POLR2E: variants seen among roughly 807,000 people sequenced by gnomAD.
POLR2E encodes the protein RNA polymerase II, I and III subunit E, also known as DNA-directed RNA polymerases I, II, and III subunit RPABC1.
POLR2E carries 35 observed loss-of-function variants against 29.8 expected under a neutral mutation model. The observed-to-expected ratio is 1.17, with a 90% CI of 0.90 to 1.55. The LOEUF is 1.55. POLR2E is among the 40% of genes most tolerant of loss of function. The pLI is 0.00. For synonymous variants in POLR2E, 174 were observed against 112.6 expected (o/e 1.55, Z -3.45); for missense variants, 287 against 288.6 (o/e 0.99, Z 0.04).
At chr19:1,090,192 C>A in intron 4 of POLR2E, 47 bp from the exon 5 acceptor site, 1 of 1,554,980 alleles carries the variant, frequency 6.4e-7, no homozygotes, top group Non-Finnish European at 8.9e-7. Context: ...CTGGTGAGAC[C>A]CCACGTGGCT....
At position 1,095,362 on chromosome 19, in the gene POLR2E, A is replaced by T. The variant is rs1463636839; in HGVS notation, c.-47T>A. 2 of 1,608,362 alleles carry T rather than the reference A, an allele frequency of 1.2e-6. No homozygotes were observed. The highest frequency in any genetic ancestry group is 1.1e-5 in the South Asian group (1 of 90,858). The stretch of plus-strand genomic sequence containing the variant: ...CGCTCGCACCCCTTCTCCGCGCGAG[A>T]ACCCGCGCGGACTGCGCCTGCGCCG... On this transcript the variant is annotated 5_prime_UTR_variant, in exon 1 of 8. Transcript: ENST00000615234.
Position 1,089,766 on chromosome 19 carries a change from G to A in POLR2E, c.567+118C>T, listed in dbSNP as rs371903333. On this transcript the variant is annotated intron_variant, in intron 6 of 7. Transcript: ENST00000615234. ...AGGGGGATATTGGGGGTGTGGTCTC[G>A]AGGTCCCCTCCAGGCCCTGGATCAA... is the stretch of plus-strand genomic sequence containing the variant. 2.3e-5 allele frequency: 20 copies of A among 878,234 alleles called. No individual in the cohort carries two copies. In the East Asian group the frequency reaches 3.4e-4, roughly 15 times the overall value. 54.4% of individuals were successfully genotyped at this position (878,234 alleles called of 1,614,324 possible). A position where few individuals can be genotyped will look rare whatever the true frequency, so the allele number is the denominator to read the frequency against.
chr19:1,095,013 G>A lies in POLR2E; in HGVS notation c.57+246C>T, dbSNP rs184325223. 1.1e-3 allele frequency: 491 copies of A among 427,532 alleles called. 2 individuals carry two copies. Among genetic ancestry groups the A allele is most frequent in the African/African-American group, 9.4e-3 (438 of 46,436 alleles). 26.5% of individuals were successfully genotyped at this position (427,532 alleles called of 1,614,324 possible). On this transcript the variant is annotated intron_variant, in intron 1 of 7. Transcript: ENST00000615234. ...TCTCGCCGCCACGCGCGCCGCACCA[G>A]CCCAAGCCGCCCACCCACCCCTAAG...
At chr19:1,089,685 G>T in intron 6 of POLR2E, 134 bp from the exon 7 acceptor site, 1 of 833,432 alleles carries the variant, frequency 1.2e-6, no homozygotes, top group Non-Finnish European at 2.0e-6. Context: ...TGTGGGACCC[G>T]CTCCCTGGGA....
intron 6 of POLR2E, 156 bp downstream of exon 6, chr19:1,089,728 C>A: frequency 1.3e-6 from 1 of 790,932 alleles, no homozygotes. Context: ...GGCCCAGTGG[C>A]CCTGGCTTTA....
At chr19:1,093,855 C>G in intron 2 of POLR2E, 49 bp downstream of exon 2, 1 of 1,513,162 alleles carries the variant, frequency 6.6e-7, no homozygotes, top group Non-Finnish European at 8.9e-7. Context: ...GGCTCCTCGG[C>G]AGGTGCTCTG....
chr19:1,093,371 G>A (rs567635841), intron 2 of POLR2E, among the ~76,000 whole-genome samples: 5 of 152,290 alleles, frequency 3.3e-5, no homozygotes, highest in South Asian at 4.1e-4. Flanking sequence ...GGAGACTTCC[G>A]CAAAGCAGGT....
intron 2 of POLR2E, 57 bp from the exon 3 acceptor site, chr19:1,091,964 ACCCAGAG>A (rs2043842884): frequency 3.2e-6 from 4 of 1,249,452 alleles, no homozygotes; most frequent in Non-Finnish European, 4.7e-6. Flanking sequence ...GCCCTCGCCC[ACCCAGAG>A]CCCAGAGCAC....
At chr19:1,095,037 A>T in intron 1 of POLR2E, 1 of 533,724 alleles carries the variant, frequency 1.9e-6, no homozygotes, top group Non-Finnish European at 3.3e-6. Context: ...CCCACCCCTA[A>T]GCACCGCACC....
chr19:1,093,111 A>G (rs1035507650), intron 2 of POLR2E, among the ~76,000 whole-genome samples: 5 of 148,292 alleles, frequency 3.4e-5, no homozygotes, highest in African/African-American at 1.0e-4. Context: ...GCTTGAACTC[A>G]GGAGGTGGAG....
Position 1,086,818 on chromosome 19 carries a change from A to G in POLR2E, c.*1917T>C, listed in dbSNP as rs2043684337. The G allele has an allele frequency of 6.6e-6, 1 of 152,136 alleles. No homozygotes were observed. Among genetic ancestry groups the G allele is most frequent in the African/African-American group, 2.4e-5 (1 of 41,406 alleles). The allele number at this position is 152,136 out of a possible 1,614,324, so 9.4% of individuals were successfully genotyped here. A position where few individuals can be genotyped will look rare whatever the true frequency, so the allele number is the denominator to read the frequency against. ...GGTGGGAGCCCGGGTGGTCTTCACC[A>G]CAGGCTGTGCAGACGGTCAGGCATC... On this transcript the variant is annotated 3_prime_UTR_variant, in exon 8 of 8. Coordinates refer to ENST00000615234, the MANE Select transcript of POLR2E (RefSeq NM_002695.5).
In POLR2E at chr19:1,088,344, C is replaced by T. The variant is rs557673511; in HGVS notation, c.*391G>A. ...CGGGGGCCGCCACGCATCAGGGCCC[C>T]CGAGGGAGGGAAGACGAGGGGTGGA... On this transcript the variant is annotated 3_prime_UTR_variant, in exon 8 of 8. Transcript: ENST00000615234. 1 of 152,426 alleles carries T rather than the reference C, an allele frequency of 6.6e-6. No individual in the cohort carries two copies. The highest frequency in any genetic ancestry group is 6.5e-5 in the Admixed American group (1 of 15,308). 9.4% of individuals were successfully genotyped at this position (152,426 alleles called of 1,614,324 possible). A position where few individuals can be genotyped will look rare whatever the true frequency, so the allele number is the denominator to read the frequency against.
chr19:1,092,207 T>C, intron 2 of POLR2E: 1 of 335,428 alleles, frequency 3.0e-6, no homozygotes, highest in Non-Finnish European at 5.7e-6. Flanking sequence ...TGGGCAGTTC[T>C]GGGGAGGCGG....
Position 1,091,022 on chromosome 19 carries a change from G to A in POLR2E, c.349-34C>T, listed in dbSNP as rs1470598227. On this transcript the variant is annotated intron_variant, in intron 3 of 7. Coordinates refer to ENST00000615234, the MANE Select transcript of POLR2E (RefSeq NM_002695.5). Reference sequence around the variant, plus strand: ...GAGCGGCTCTAAGGCACGGCCCGGAGGGGCCCAGACAACCCCAACCCCATT... The same window carrying A: ...GAGCGGCTCTAAGGCACGGCCCGGAAGGGCCCAGACAACCCCAACCCCATT... The A allele has an allele frequency of 5.0e-6, 8 of 1,598,918 alleles. No individual in the cohort carries two copies. The African/African-American group carries it at 9.4e-5, about 19-fold the overall frequency.
chr19:1,091,957 C>T (rs780199593), intron 2 of POLR2E, 50 bp from the exon 3 acceptor site: 18 of 1,325,716 alleles, frequency 1.4e-5, no homozygotes, highest in Middle Eastern at 1.8e-4. Flanking sequence ...CCTCGTGGCC[C>T]TCGCCCACCC....
intron 6 of POLR2E, 92 bp downstream of exon 6, chr19:1,089,792 G>A (rs999719331): frequency 9.3e-7 from 1 of 1,072,450 alleles, no homozygotes; most frequent in Admixed American, 2.0e-5. Flanking sequence ...CCTGGATCAA[G>A]GGGGAGGGGC....
intron 3 of POLR2E, chr19:1,091,571 C>G (rs1429111017): frequency 2.5e-5 from 14 of 569,310 alleles, no homozygotes; most frequent in Admixed American, 6.0e-5. Context: ...CCCTGACGCC[C>G]CTCCTGAGAG....
Position 1,095,337 on chromosome 19 carries a change from C to CGCT in POLR2E, c.-25_-23dup, listed in dbSNP as rs748452657. The CGCT allele has an allele frequency of 1.7e-5, 28 of 1,612,152 alleles. No individual in the cohort carries two copies. The highest frequency in any genetic ancestry group is 1.2e-4 in the African/African-American group (9 of 74,830). ...CCATGGCAGCCTCCGCCGCCGCCGC[C>CGCT]GCTCGCACCCCTTCTCCGCGCGAGA... On this transcript the variant is annotated 5_prime_UTR_variant, in exon 1 of 8. Coordinates refer to ENST00000615234, the MANE Select transcript of POLR2E (RefSeq NM_002695.5).
intron 4 of POLR2E, 63 bp from the exon 5 acceptor site, chr19:1,090,208 G>T: frequency 5.0e-6 from 7 of 1,408,324 alleles, no homozygotes; most frequent in Non-Finnish European, 7.0e-6. Flanking sequence ...TGGCTCCCAG[G>T]TGCCACCACA....
Sources: allele counts gnomAD v4.1 joint callset (sites outside exome capture counted in the v4.1 genomes callset), GRCh38; gene constraint gnomAD v4.1.1; transcripts MANE v1.5; gene names NCBI Gene and HGNC (gene_info 2026-07-23, HGNC 2026-07-21).